OR6N1: variants seen among roughly 807,000 people sequenced by gnomAD.
OR6N1 encodes the protein olfactory receptor 6N1.
For synonymous variants in OR6N1, 170 were observed against 150.7 expected (o/e 1.13, Z -0.94); for missense variants, 394 against 371.7 (o/e 1.06, Z -0.49).
the OR6N1 span, among the ~76,000 whole-genome samples, chr1:158,785,464 T>C: frequency 1.3e-5 from 2 of 152,328 alleles, no homozygotes; most frequent in East Asian, 3.9e-4. Flanking sequence ...AAAGCCATTT[T>C]TAAACAGACA....
At chr1:158,831,319 T>C in the OR6N1 span, 1 of 152,208 alleles carries the variant, frequency 6.6e-6, no homozygotes, top group East Asian at 1.9e-4. Flanking sequence ...GTTTCATGAT[T>C]ACATAACTTC....
the OR6N1 span, among the ~76,000 whole-genome samples, chr1:158,794,218 T>C: frequency 6.6e-6 from 1 of 152,078 alleles, no homozygotes; most frequent in Non-Finnish European, 1.5e-5. Flanking sequence ...GGGAGAAAAG[T>C]CCCCTTCTCC....
the OR6N1 span, among the ~76,000 whole-genome samples, chr1:158,804,853 C>G: frequency 6.6e-6 from 1 of 152,078 alleles, no homozygotes; most frequent in East Asian, 1.9e-4. Context: ...AGACTTTATT[C>G]TAGGAACTGG....
chr1:158,778,797 G>C, the OR6N1 span, among the ~76,000 whole-genome samples: 1 of 151,828 alleles, frequency 6.6e-6, no homozygotes, highest in East Asian at 1.9e-4. Flanking sequence ...GGTAGATCAC[G>C]AGGTCGGGAG....
At chr1:158,768,757 C>T (rs1657341474) in intron 1 of OR6N1, among the ~76,000 whole-genome samples, 3 of 152,236 alleles carry the variant, frequency 2.0e-5, no homozygotes, top group Admixed American at 1.3e-4. Context: ...TTCACCAGCT[C>T]AACTACCTGG....
At chr1:158,797,041 T>C in the OR6N1 span, among the ~76,000 whole-genome samples, 7 of 152,224 alleles carry the variant, frequency 4.6e-5, no homozygotes, top group African/African-American at 1.7e-4. Context: ...TCTAGGATTT[T>C]GTGCCCAAGA....
chr1:158,798,978 C>A, the OR6N1 span, among the ~76,000 whole-genome samples: 3 of 152,180 alleles, frequency 2.0e-5, no homozygotes, highest in African/African-American at 7.2e-5. Flanking sequence ...CCAGTTCCCC[C>A]TTCCAGTCCC....
the OR6N1 span, among the ~76,000 whole-genome samples, chr1:158,781,370 A>T: frequency 6.6e-6 from 1 of 152,218 alleles, no homozygotes; most frequent in East Asian, 1.9e-4. Flanking sequence ...GGTGAGAATC[A>T]GGCTCAGGGC....
upstream of OR6N1, among the ~76,000 whole-genome samples, chr1:158,772,719 C>T (rs1039607612): frequency 3.3e-5 from 5 of 152,222 alleles, no homozygotes; most frequent in Middle Eastern, 6.8e-3. Context: ...TTATCTGCTC[C>T]GTAAAGAGTG....
chr1:158,798,644 T>C, the OR6N1 span, among the ~76,000 whole-genome samples: 1 of 152,138 alleles, frequency 6.6e-6, no homozygotes, highest in East Asian at 1.9e-4. Flanking sequence ...GCCAAGCATT[T>C]GTTTAATTCC....
chr1:158,834,034 T>C, the OR6N1 span, among the ~76,000 whole-genome samples: 3 of 152,188 alleles, frequency 2.0e-5, no homozygotes, highest in Admixed American at 1.3e-4. Flanking sequence ...AGTTATTTTT[T>C]TGACAGTACC....
the OR6N1 span, among the ~76,000 whole-genome samples, chr1:158,785,463 T>C: frequency 6.6e-6 from 1 of 152,184 alleles, no homozygotes; most frequent in African/African-American, 2.4e-5. Context: ...GAAAGCCATT[T>C]TTAAACAGAC....
At chr1:158,778,210 T>A in the OR6N1 span, among the ~76,000 whole-genome samples, 1 of 152,178 alleles carries the variant, frequency 6.6e-6, no homozygotes, top group African/African-American at 2.4e-5. Flanking sequence ...AACACAAAAT[T>A]CAGCAAGGTA....
the OR6N1 span, among the ~76,000 whole-genome samples, chr1:158,823,297 T>C: frequency 1.3e-5 from 2 of 152,178 alleles, no homozygotes; most frequent in Non-Finnish European, 2.9e-5. Context: ...CCAACTCTTC[T>C]TTATATATCT....
rs761491414 is a variant in OR6N1, at chr1:158,765,711, C to T, written c.*33G>A. On this transcript the variant is annotated 3_prime_UTR_variant, in exon 2 of 2. Transcript: ENST00000641846. ...TTGATCCCTGGGGCCACCATATCCT[C>T]AGGCCCGGCCTTGGCCTACTCTCAG... 1.3e-6 allele frequency: 2 copies of T among 1,553,410 alleles called. No individual in the cohort carries two copies. The highest frequency in any genetic ancestry group is 1.1e-5 in the South Asian group (1 of 86,962).
At chr1:158,787,614 C>A in the OR6N1 span, among the ~76,000 whole-genome samples, 2 of 126,716 alleles carry the variant, frequency 1.6e-5, no homozygotes, top group East Asian at 4.4e-4. Context: ...CTCTATCTAT[C>A]TCTCTATCTC....
At chr1:158,819,947 T>C in the OR6N1 span, among the ~76,000 whole-genome samples, 1 of 152,106 alleles carries the variant, frequency 6.6e-6, no homozygotes, top group East Asian at 1.9e-4. Context: ...ATATAGAGTG[T>C]GGAATGGGAA....
chr1:158,793,805 T>C, the OR6N1 span, among the ~76,000 whole-genome samples: 1 of 152,242 alleles, frequency 6.6e-6, no homozygotes, highest in African/African-American at 2.4e-5. Context: ...CTAAAGCAGG[T>C]GGGTAAATGC....
At chr1:158,803,103 G>C in the OR6N1 span, among the ~76,000 whole-genome samples, 2 of 152,100 alleles carry the variant, frequency 1.3e-5, no homozygotes, top group African/African-American at 4.8e-5. Flanking sequence ...TTAAGATACG[G>C]AGGTAACCAT....
Sources: gnomAD v4.1 joint callset for allele counts (sites outside exome capture counted in the v4.1 genomes callset) on GRCh38, gnomAD v4.1.1 for gene constraint, MANE v1.5 for transcripts, NCBI Gene and HGNC (gene_info 2026-07-23, HGNC 2026-07-21) for gene names.